Variants in NSD3 observed in about 807,000 individuals in gnomAD.
The protein encoded by NSD3 is nuclear receptor binding SET domain protein 3, also known as histone-lysine N-methyltransferase NSD3.
NSD3 carries 24 observed loss-of-function variants against 160.8 expected under a neutral mutation model. The observed-to-expected ratio is 0.15, with a 90% CI of 0.11 to 0.21. NSD3 has a LOEUF of 0.21. Among genes scored for constraint, NSD3 ranks in the 10% least tolerant of loss-of-function variants. The pLI, the probability that NSD3 is intolerant of heterozygous loss-of-function variation, is 1.00. For synonymous variants in NSD3, 520 were observed against 600.0 expected (o/e 0.87, Z 1.95); for missense variants, 1,157 against 1,735.9 (o/e 0.67, Z 5.93).
intron 15 of NSD3, among the ~76,000 whole-genome samples, chr8:38,297,776 G>A (rs1396973926): frequency 6.6e-6 from 1 of 152,044 alleles, no homozygotes; most frequent in Non-Finnish European, 1.5e-5. Context: ...TCTACACTTA[G>A]GGAGGGAATT....
chr8:38,331,870 C>T (rs990122533), intron 4 of NSD3, among the ~76,000 whole-genome samples: 1 of 152,190 alleles, frequency 6.6e-6, no homozygotes, highest in Non-Finnish European at 1.5e-5. Context: ...ACATTCTTCT[C>T]ATTAACTTTT....
rs188338260 is a variant in NSD3, at chr8:38,310,061, A to C, written c.2242+4586T>G. Among the ~76,000 whole-genome samples, 88 of 152,308 alleles carry C rather than the reference A, an allele frequency of 5.8e-4. No homozygotes were observed. The East Asian group carries it at 0.015, about 26-fold the overall frequency. The stretch of plus-strand genomic sequence containing the variant: ...ATTGTGGTAAAATATATATAACATA[A>C]AATTTAACACTTTAACCATTTTTAA... On this transcript the variant is annotated intron_variant, in intron 12 of 23. Coordinates refer to ENST00000317025, the MANE Select transcript of NSD3 (RefSeq NM_023034.2).
At chr8:38,334,446 G>GAACT (rs1810155931) in intron 4 of NSD3, among the ~76,000 whole-genome samples, 1 of 152,164 alleles carries the variant, frequency 6.6e-6, no homozygotes, top group Non-Finnish European at 1.5e-5. Context: ...TTAAATCAAT[G>GAACT]AACTGTACAT....
rs2130985010 is a variant in NSD3, at chr8:38,281,599, C to T, written c.3502-16G>A. ...CAAATTCACCCTGGAGATAAATGTG[C>T]AATATGTAACTTAAAATCAGTGTAT... is the stretch of plus-strand genomic sequence containing the variant. On this transcript the variant is annotated splice_polypyrimidine_tract_variant and intron_variant, in intron 19 of 23. Transcript: ENST00000317025. The T allele has an allele frequency of 3.9e-6, 6 of 1,533,432 alleles. No homozygotes were observed. The highest frequency in any genetic ancestry group is 4.5e-5 in the East Asian group (2 of 44,290). 95.0% of individuals were successfully genotyped at this position (1,533,432 alleles called of 1,614,324 possible).
chr8:38,341,473 G>A (rs575575964), intron 2 of NSD3, among the ~76,000 whole-genome samples: 1 of 151,992 alleles, frequency 6.6e-6, no homozygotes, highest in Non-Finnish European at 1.5e-5. Flanking sequence ...GGGAGGCAGA[G>A]GTTGCACTGA....
chr8:38,347,471 T>G, intron 2 of NSD3, 26 bp downstream of exon 2: 1 of 1,539,706 alleles, frequency 6.5e-7, no homozygotes, highest in Non-Finnish European at 8.7e-7. Flanking sequence ...TATAACAAAA[T>G]TTTTCAAAAC....
intron 16 of NSD3, among the ~76,000 whole-genome samples, chr8:38,291,083 T>C (rs918552971): frequency 6.6e-6 from 1 of 152,208 alleles, no homozygotes; most frequent in Non-Finnish European, 1.5e-5. Flanking sequence ...TGGAATCATT[T>C]TGAGAATAAA....
intron 15 of NSD3, 90 bp from the exon 16 acceptor site, chr8:38,296,042 A>AT: frequency 7.5e-7 from 1 of 1,331,620 alleles, no homozygotes. Flanking sequence ...AGCACATTAA[A>AT]TTTGTTTCAA....
intron 1 of NSD3, among the ~76,000 whole-genome samples, chr8:38,360,715 G>A (rs1251684327): frequency 6.6e-6 from 1 of 151,998 alleles, no homozygotes. Flanking sequence ...ACTCTAAGCT[G>A]CTGACTAATT....
intron 12 of NSD3, among the ~76,000 whole-genome samples, chr8:38,306,674 T>C (rs1343175524): frequency 6.6e-6 from 1 of 151,790 alleles, no homozygotes; most frequent in Admixed American, 6.6e-5. Flanking sequence ...TACAAATCAA[T>C]ATAGAAAAAA....
rs1297388326 is a variant in NSD3, at chr8:38,318,558, C to T, written c.1855+337G>A. Among the ~76,000 whole-genome samples the T allele has an allele frequency of 1.3e-5, 2 of 152,104 alleles. No individual in the cohort carries two copies. On this transcript the variant is annotated intron_variant, in intron 9 of 23. Transcript: ENST00000317025. The surrounding 1 kb of genome is among the most constrained non-coding windows in gnomAD (Gnocchi z 5.3). ...TTGACAAACATGAATAGCTACTATT[C>T]GGTATTCAGTCGAATACCAAAAAAA...
In NSD3 at chr8:38,319,034, G is replaced by C. The variant is rs763851472; in HGVS notation, c.1810-94C>G. On this transcript the variant is annotated intron_variant, in intron 8 of 23. Transcript: ENST00000317025. This position sits in a 1 kb window ranked among gnomAD's most constrained non-coding sequence, Gnocchi z 4.1. ...AGATACTTTCATCAATCTAAGCAAT[G>C]ATGAGTGATTAATGTATCTGAAATC... 4.7e-5 allele frequency: 51 copies of C among 1,095,392 alleles called. No individual in the cohort carries two copies. The highest frequency in any genetic ancestry group is 6.3e-5 in the Non-Finnish European group (47 of 742,450). 67.9% of individuals were successfully genotyped at this position (1,095,392 alleles called of 1,614,324 possible).
At position 38,288,777 on chromosome 8, in the gene NSD3, CGAGA is replaced by C. The variant is rs984277322; in HGVS notation, c.3232-25_3232-22del. On this transcript the variant is annotated intron_variant, in intron 18 of 23. Transcript: ENST00000317025. The surrounding 1 kb of genome is among the most constrained non-coding windows in gnomAD (Gnocchi z 4.5). ...TTAGCCTAGAAAACAAAATCGCAAG[CGAGA>C]GAGAGGCAGCAGGTAAGTCATCTGG... 2 of 1,606,390 alleles carry C rather than the reference CGAGA, an allele frequency of 1.2e-6. No individual in the cohort carries two copies. The highest frequency in any genetic ancestry group is 4.5e-5 in the East Asian group (2 of 44,710).
At chr8:38,324,668 T>C (rs1002374896) in intron 7 of NSD3, among the ~76,000 whole-genome samples, 1 of 152,160 alleles carries the variant, frequency 6.6e-6, no homozygotes, top group African/African-American at 2.4e-5. Flanking sequence ...ATAATATAAG[T>C]GTTTTTTGCT....
intron 12 of NSD3, among the ~76,000 whole-genome samples, chr8:38,310,298 T>C (rs1471245753): frequency 6.6e-6 from 1 of 152,238 alleles, no homozygotes; most frequent in African/African-American, 2.4e-5. Flanking sequence ...CTTTTATACC[T>C]GGCTTATTTC....
intron 1 of NSD3, among the ~76,000 whole-genome samples, chr8:38,361,966 G>A (rs541248148): frequency 5.5e-4 from 83 of 152,046 alleles, no homozygotes; most frequent in Admixed American, 7.2e-4. Context: ...AGTACCTAAA[G>A]ACTTCCATTG....
At chr8:38,374,155 T>C (rs1411231748) in intron 1 of NSD3, among the ~76,000 whole-genome samples, 1 of 150,824 alleles carries the variant, frequency 6.6e-6, no homozygotes, top group Non-Finnish European at 1.5e-5. Flanking sequence ...CACATGTGTG[T>C]AGTCATAGCT....
At chr8:38,285,567 A>G (rs1361012818) in intron 19 of NSD3, among the ~76,000 whole-genome samples, 1 of 152,250 alleles carries the variant, frequency 6.6e-6, no homozygotes, top group East Asian at 1.9e-4. Flanking sequence ...TTAATAAGTT[A>G]TCTTACAACA....
chr8:38,355,511 G>A (rs951070169), intron 1 of NSD3, among the ~76,000 whole-genome samples: 1 of 152,058 alleles, frequency 6.6e-6, no homozygotes, highest in Admixed American at 6.6e-5. Flanking sequence ...AGCAAACAAT[G>A]TGAAACAGAA....
Sources: allele counts gnomAD v4.1 joint callset (sites outside exome capture counted in the v4.1 genomes callset), GRCh38; gene constraint gnomAD v4.1.1; non-coding constraint Gnocchi (gnomAD v3.1); transcripts MANE v1.5; gene names NCBI Gene and HGNC (gene_info 2026-07-23, HGNC 2026-07-21).